Variants in CPXM2 observed in about 807,000 individuals in gnomAD.
CPXM2 encodes the protein carboxypeptidase X, M14 family member 2.
A neutral mutation model predicts 86.1 loss-of-function variants in CPXM2; 66 were observed. That is an observed-to-expected ratio of 0.77 (90% CI 0.63 to 0.94). CPXM2 has a LOEUF of 0.94. Ranked by LOEUF, CPXM2 falls within the 40% of genes least tolerant of loss-of-function variation. The pLI is 0.00. For synonymous variants in CPXM2, 388 were observed against 400.2 expected (o/e 0.97, Z 0.36); for missense variants, 948 against 1,026.3 (o/e 0.92, Z 1.04).
At chr10:123,853,758 A>G (rs1848649302) in intron 3 of CPXM2, among the ~76,000 whole-genome samples, 1 of 152,140 alleles carries the variant, frequency 6.6e-6, no homozygotes, top group Non-Finnish European at 1.5e-5. Flanking sequence ...TACAAAAATT[A>G]GCTGGGCATG....
At position 123,754,001 on chromosome 10, in the gene CPXM2, T is replaced by C. The variant is rs1191947773; in HGVS notation, c.2017+662A>G. ...TTATGTGAGGAATGATGGAGTTAAA[T>C]GACAGAGCTAATACAAGAAAGCTAT... On this transcript the variant is annotated intron_variant, in intron 13 of 13. Coordinates refer to ENST00000241305, the MANE Select transcript of CPXM2 (RefSeq NM_198148.3). This position sits in a 1 kb window ranked among gnomAD's most constrained non-coding sequence, Gnocchi z 4.0. Among the ~76,000 whole-genome samples, 1 of 152,222 alleles carries C rather than the reference T, an allele frequency of 6.6e-6. No individual in the cohort carries two copies. The highest frequency in any genetic ancestry group is 1.5e-5 in the Non-Finnish European group (1 of 68,048).
chr10:123,893,154 C>T (rs1337569587), upstream of CPXM2, among the ~76,000 whole-genome samples: 2 of 152,214 alleles, frequency 1.3e-5, no homozygotes, highest in Non-Finnish European at 2.9e-5. Flanking sequence ...TCTAGGTATT[C>T]AGGTGTAGAT....
At chr10:123,876,928 A>T (rs1944997981) in intron 2 of CPXM2, among the ~76,000 whole-genome samples, 1 of 152,264 alleles carries the variant, frequency 6.6e-6, no homozygotes, top group Non-Finnish European at 1.5e-5. Flanking sequence ...TAACTTGTCC[A>T]GAGTCTGGCA....
At chr10:123,899,382 C>G (rs1945363871) in intron 2 of CPXM2, among the ~76,000 whole-genome samples, 1 of 152,100 alleles carries the variant, frequency 6.6e-6, no homozygotes, top group Non-Finnish European at 1.5e-5. Context: ...GTCAACAGAT[C>G]AAAAGGAAAA....
intron 2 of CPXM2, among the ~76,000 whole-genome samples, chr10:123,864,867 G>A (rs1203005229): frequency 3.3e-5 from 5 of 152,130 alleles, no homozygotes; most frequent in Non-Finnish European, 7.3e-5. Context: ...CTTTTCTGTC[G>A]ACAGACAGAA....
At chr10:123,763,562 G>A (rs1234758747) in intron 10 of CPXM2, among the ~76,000 whole-genome samples, 8 of 150,864 alleles carry the variant, frequency 5.3e-5, no homozygotes, top group East Asian at 3.9e-4. Context: ...AAAAAAAGGC[G>A]GGGGCAGAGG....
intron 13 of CPXM2, chr10:123,752,419 T>G: frequency 1.0e-6 from 1 of 984,612 alleles, no homozygotes; most frequent in Non-Finnish European, 1.2e-6. Context: ...AAAATGCAAT[T>G]TATGGCATTA....
At chr10:123,940,530 C>T (rs1049465158), upstream of CPXM2, among the ~76,000 whole-genome samples, 9 of 152,228 alleles carry the variant, frequency 5.9e-5, no homozygotes, top group Admixed American at 3.3e-4. Flanking sequence ...CTCTGATCTA[C>T]ACTCTGTGTG....
chr10:123,854,640 G>A (rs892515219), intron 3 of CPXM2, among the ~76,000 whole-genome samples: 2 of 150,488 alleles, frequency 1.3e-5, no homozygotes, highest in Non-Finnish European at 3.0e-5. Flanking sequence ...GGCTCGGCTT[G>A]TTCAACAGAC....
chr10:123,798,976 T>TG, intron 5 of CPXM2, 139 bp downstream of exon 5: 1 of 912,942 alleles, frequency 1.1e-6, no homozygotes, highest in South Asian at 1.6e-5. Context: ...AAAGGGTCTC[T>TG]GTCCATCAGA....
intron 2 of CPXM2, among the ~76,000 whole-genome samples, chr10:123,905,419 C>T (rs77492954): frequency 0.074 from 11,249 of 152,220 alleles, 1,166 homozygotes; most frequent in African/African-American, 0.23. Context: ...ATGCCACTCT[C>T]TTTGCCTGAG....
At chr10:123,817,313 A>G (rs12219519) in intron 4 of CPXM2, among the ~76,000 whole-genome samples, 85,016 of 151,772 alleles carry the variant, frequency 0.56, 25,669 homozygotes, top group East Asian at 0.85. Flanking sequence ...AGGCGTCAGC[A>G]GAAGATAGGC....
At chr10:123,866,235 G>A (rs1018698699) in intron 2 of CPXM2, among the ~76,000 whole-genome samples, 3 of 152,092 alleles carry the variant, frequency 2.0e-5, no homozygotes, top group East Asian at 1.9e-4. Context: ...CACAGGCACC[G>A]TCTATGCCAC....
In CPXM2 at chr10:123,754,812, C is replaced by T. The variant is rs371469400; in HGVS notation, c.1918-50G>A. ...GGTGAGGTCACCGACCAGCTCTGGA[C>T]ACAACCGGCACAACAGAGTGGGCTG... On this transcript the variant is annotated intron_variant, in intron 12 of 13. Transcript: ENST00000241305. This position sits in a 1 kb window ranked among gnomAD's most constrained non-coding sequence, Gnocchi z 4.0. The T allele has an allele frequency of 1.0e-6, 1 of 993,514 alleles. No homozygotes were observed. Among genetic ancestry groups the T allele is most frequent in the Non-Finnish European group, 1.6e-6 (1 of 615,292 alleles). The allele number at this position is 993,514 out of a possible 1,614,324, so 61.5% of individuals were successfully genotyped here.
At position 123,768,671 on chromosome 10, in the gene CPXM2, C is replaced by T. The variant is rs1314646744; in HGVS notation, c.1154G>A (p.Gly385Asp). 1.2e-6 allele frequency: 2 copies of T among 1,612,812 alleles called. No individual in the cohort carries two copies. Among genetic ancestry groups the T allele is most frequent in the East Asian group, 2.2e-5 (1 of 44,846 alleles). Residue 385 changes from glycine (G) to aspartate (D), a missense_variant, in exon 9 of 14, where the codon GGC becomes GAC. Physicochemically the swap from Gly to Asp is moderately conservative, Grantham distance 94. Coordinates refer to ENST00000241305, the MANE Select transcript of CPXM2 (RefSeq NM_198148.3). ...CACCAGCAGCAGCAGCAGCTCCCGG[C>T]CCAGCACCTCATTGCCGTGGGCCCC... ...IAGAHGNEVL[G>D]RELLLLLVQF...
chr10:123,760,152 C>T (rs937804130), intron 11 of CPXM2, among the ~76,000 whole-genome samples: 1 of 152,160 alleles, frequency 6.6e-6, no homozygotes, highest in African/African-American at 2.4e-5. Flanking sequence ...AAAAATCAAA[C>T]GCTACCTATG....
intron 6 of CPXM2, among the ~76,000 whole-genome samples, chr10:123,787,895 C>T (rs186260271): frequency 1.3e-5 from 2 of 152,030 alleles, no homozygotes; most frequent in African/African-American, 2.4e-5. Flanking sequence ...GGGTTTGTAG[C>T]CCCCATTTTT....
chr10:123,840,810 C>T (rs1848371205), intron 4 of CPXM2, among the ~76,000 whole-genome samples: 1 of 152,198 alleles, frequency 6.6e-6, no homozygotes, highest in Non-Finnish European at 1.5e-5. Context: ...AGAAAGTCCC[C>T]TTTGCAGGGA....
intron 4 of CPXM2, among the ~76,000 whole-genome samples, chr10:123,821,315 T>C (rs1032312690): frequency 1.3e-5 from 2 of 152,252 alleles, no homozygotes; most frequent in African/African-American, 4.8e-5. Flanking sequence ...CCACTTACCA[T>C]AATTAGGGTT....
Sources: gnomAD v4.1 joint callset for allele counts (sites outside exome capture counted in the v4.1 genomes callset) on GRCh38, gnomAD v4.1.1 for gene constraint, Gnocchi (gnomAD v3.1) non-coding constraint, MANE v1.5 for transcripts, NCBI Gene and HGNC (gene_info 2026-07-23, HGNC 2026-07-21) for gene names.